Variants in CTNNA3 observed in about 807,000 individuals in gnomAD.
The protein encoded by CTNNA3 is catenin alpha-3.
CTNNA3 carries 76 observed loss-of-function variants against 95.7 expected under a neutral mutation model. The ratio of observed to expected loss-of-function variants is 0.79; its 90% CI spans 0.66 to 0.96. The LOEUF (loss-of-function observed/expected upper bound fraction) is 0.96. Among genes scored for constraint, CTNNA3 ranks in the 40% least tolerant of loss-of-function variants. CTNNA3 has a pLI of 0.00. For missense variants in CTNNA3, 1,191 were observed against 1,089.8 expected (o/e 1.09, Z -1.31); for synonymous variants, 431 against 374.4 (o/e 1.15, Z -1.74).
chr10:66,205,701 A>G (rs2087713534), intron 13 of CTNNA3, among the ~76,000 whole-genome samples: 1 of 151,972 alleles, frequency 6.6e-6, no homozygotes, highest in African/African-American at 2.4e-5. Flanking sequence ...AATGTATGTT[A>G]ATTGATGCAT....
chr10:67,610,620 A>T (rs1843425495), intron 2 of CTNNA3, among the ~76,000 whole-genome samples: 1 of 152,182 alleles, frequency 6.6e-6, no homozygotes, highest in South Asian at 2.1e-4. Flanking sequence ...GGAGGATAGG[A>T]GGGCGCTATT....
intron 11 of CTNNA3, among the ~76,000 whole-genome samples, chr10:66,461,632 A>G (rs1446073516): frequency 6.6e-6 from 1 of 150,786 alleles, no homozygotes; most frequent in African/African-American, 2.4e-5. Flanking sequence ...TAATAAGGAG[A>G]TATCATTATT....
intron 2 of CTNNA3, among the ~76,000 whole-genome samples, chr10:67,633,526 A>C (rs1320841637): frequency 6.6e-6 from 1 of 152,196 alleles, no homozygotes; most frequent in Non-Finnish European, 1.5e-5. Context: ...TTCCAGAAGA[A>C]GGAGCAGGCT....
At chr10:66,763,906 G>T (rs1050857273) in intron 9 of CTNNA3, among the ~76,000 whole-genome samples, 3 of 152,136 alleles carry the variant, frequency 2.0e-5, no homozygotes, top group Non-Finnish European at 4.4e-5. Context: ...CCTTTGGCAG[G>T]CTCCATTCCC....
At chr10:67,703,517 AC>A (rs1273958216) in intron 1 of CTNNA3, among the ~76,000 whole-genome samples, 1 of 152,222 alleles carries the variant, frequency 6.6e-6, no homozygotes, top group Non-Finnish European at 1.5e-5. Flanking sequence ...AGAACCAAAG[AC>A]AAAAACCACA....
At chr10:66,591,501 C>T (rs1328170952) in intron 10 of CTNNA3, among the ~76,000 whole-genome samples, 1 of 152,120 alleles carries the variant, frequency 6.6e-6, no homozygotes, top group Admixed American at 6.6e-5. Flanking sequence ...AACTGCTTTA[C>T]TTGATCACTG....
At chr10:66,634,010 T>C (rs1423537714) in intron 9 of CTNNA3, among the ~76,000 whole-genome samples, 1 of 152,156 alleles carries the variant, frequency 6.6e-6, no homozygotes, top group Non-Finnish European at 1.5e-5. Flanking sequence ...TGGTAAGGTT[T>C]TGTGTATGCA....
chr10:66,165,566 T>C (rs1462817), intron 13 of CTNNA3, among the ~76,000 whole-genome samples: 124,760 of 151,884 alleles, frequency 0.82, 51,366 homozygotes, highest in South Asian at 0.92. Context: ...ACCCAATGAG[T>C]CCTAATGCCA....
chr10:66,767,535 G>T (rs1413526712), intron 8 of CTNNA3, among the ~76,000 whole-genome samples: 1 of 151,388 alleles, frequency 6.6e-6, no homozygotes, highest in Non-Finnish European at 1.5e-5. Context: ...AGGTTTTTGA[G>T]TCAAGACCTT....
At chr10:66,982,783 C>T (rs1476809081) in intron 7 of CTNNA3, among the ~76,000 whole-genome samples, 2 of 152,102 alleles carry the variant, frequency 1.3e-5, no homozygotes, top group Non-Finnish European at 2.9e-5. Flanking sequence ...TGTCAAAATA[C>T]AGGTATGAAT....
At chr10:66,439,532 CT>C (rs1422473097) in intron 11 of CTNNA3, among the ~76,000 whole-genome samples, 1 of 151,906 alleles carries the variant, frequency 6.6e-6, no homozygotes, top group East Asian at 1.9e-4. Context: ...TCAAAGATTC[CT>C]TATGATAAAT....
At chr10:67,391,688 T>C (rs1175720920) in intron 5 of CTNNA3, among the ~76,000 whole-genome samples, 5 of 149,434 alleles carry the variant, frequency 3.3e-5, no homozygotes, top group African/African-American at 9.9e-5. Context: ...AACAGCATGG[T>C]ACTGGTACCA....
chr10:67,604,152 A>G (rs1280707067), intron 3 of CTNNA3, among the ~76,000 whole-genome samples: 1 of 152,224 alleles, frequency 6.6e-6, no homozygotes, highest in East Asian at 1.9e-4. Context: ...AGTACACTCT[A>G]TGATGTTCAC....
At chr10:66,452,795 T>C (rs1184424740) in intron 11 of CTNNA3, among the ~76,000 whole-genome samples, 2 of 152,092 alleles carry the variant, frequency 1.3e-5, no homozygotes, top group African/African-American at 4.8e-5. Context: ...ACTTACCTGA[T>C]CTCACGGCCC....
At chr10:67,178,345 CATATAGTCACTTTATAAGTACCTCTTT>C (rs1198680295) in intron 7 of CTNNA3, among the ~76,000 whole-genome samples, 36 of 152,092 alleles carry the variant, frequency 2.4e-4, no homozygotes, top group Non-Finnish European at 3.4e-4. Flanking sequence ...TGTCACGAGA[CATATAGTCACTTTATAAGTACCTCTTT>C]ATATAGTCAC....
intron 9 of CTNNA3, among the ~76,000 whole-genome samples, chr10:66,764,356 G>A (rs1170154080): frequency 5.3e-5 from 8 of 152,144 alleles, no homozygotes; most frequent in Non-Finnish European, 7.3e-5. Flanking sequence ...AGTGTTCCTC[G>A]AAGGTAGTGT....
intron 1 of CTNNA3, among the ~76,000 whole-genome samples, chr10:67,681,609 T>C (rs1252436808): frequency 1.3e-5 from 2 of 152,012 alleles, no homozygotes; most frequent in Non-Finnish European, 2.9e-5. Flanking sequence ...AGTGGAAATT[T>C]TTATGTATAA....
chr10:67,583,681 C>T (rs1050889878), intron 3 of CTNNA3, among the ~76,000 whole-genome samples: 39 of 152,228 alleles, frequency 2.6e-4, no homozygotes, highest in African/African-American at 7.7e-4. Context: ...TTCTCCCCGT[C>T]ACTTTCAGGT....
At chr10:66,400,353 C>T (rs527992010) in intron 11 of CTNNA3, among the ~76,000 whole-genome samples, 1 of 152,088 alleles carries the variant, frequency 6.6e-6, no homozygotes, top group Non-Finnish European at 1.5e-5. Flanking sequence ...TTTTATGTAA[C>T]TTAAATATTC....
Sources: allele counts gnomAD v4.1 joint callset (sites outside exome capture counted in the v4.1 genomes callset), GRCh38; gene constraint gnomAD v4.1.1; transcripts MANE v1.5; gene names NCBI Gene and HGNC (gene_info 2026-07-23, HGNC 2026-07-21).